The following PRAG1 variants were observed in gnomAD, a reference collection of about 807,000 sequenced individuals.
PRAG1 encodes inactive tyrosine-protein kinase PRAG1.
A neutral mutation model predicts 95.6 loss-of-function variants in PRAG1; 110 were observed. That is an observed-to-expected ratio of 1.15 (90% CI 0.99 to 1.35). The LOEUF is 1.35. Ranked by LOEUF, PRAG1 falls within the 40% of genes most tolerant of loss-of-function variation. The pLI is 0.00. For missense variants in PRAG1, 2,554 were observed against 1,864.7 expected (o/e 1.37, Z -6.81); for synonymous variants, 1,052 against 819.4 (o/e 1.28, Z -4.85).
At chr8:8,336,862 C>T (rs958639435) in intron 4 of PRAG1, among the ~76,000 whole-genome samples, 1 of 151,714 alleles carries the variant, frequency 6.6e-6, no homozygotes, top group Admixed American at 6.6e-5. Flanking sequence ...TAGGGTTTTC[C>T]TTATACAACT....
chr8:8,322,274 G>C (rs1389156673), intron 5 of PRAG1, among the ~76,000 whole-genome samples: 1 of 151,990 alleles, frequency 6.6e-6, no homozygotes, highest in Non-Finnish European at 1.5e-5. Context: ...TCTGCCTCCC[G>C]GGTTCAAGCG....
At chr8:8,367,492 A>G (rs1336171923) in intron 3 of PRAG1, among the ~76,000 whole-genome samples, 1 of 108,400 alleles carries the variant, frequency 9.2e-6, no homozygotes, top group Admixed American at 1.1e-4. Context: ...AAAAAAAAAA[A>G]AAAAAAGAAT....
Position 8,366,313 on chromosome 8 carries a change from CTTT to C in PRAG1, c.2162+9931_2162+9933del, listed in dbSNP as rs36037685. 7.5e-5 allele frequency among the ~76,000 whole-genome samples: 10 copies of C among 133,958 alleles called. 1 individual carries two copies. In the Middle Eastern group the frequency reaches 0.012, roughly 155 times the overall value. The allele number at this position is 133,958 out of a possible 152,430, so 87.9% of individuals were successfully genotyped here. ...CCTACCACCCAAAGGCATGGGAATT[CTTT>C]TTTTTTTTTTTTTTGAGACGGAGTT... is the stretch of plus-strand genomic sequence containing the variant. On this transcript the variant is annotated intron_variant, in intron 3 of 5. Coordinates refer to ENST00000615670, the MANE Select transcript of PRAG1 (RefSeq NM_001080826.3).
chr8:8,324,760 TA>T (rs1798581154), intron 5 of PRAG1, among the ~76,000 whole-genome samples: 3 of 152,230 alleles, frequency 2.0e-5, no homozygotes, highest in African/African-American at 7.2e-5. Flanking sequence ...GTCTGTTAAA[TA>T]AAAAAGGCCC....
At chr8:8,384,608 CAAAA>C (rs11400182) in intron 1 of PRAG1, among the ~76,000 whole-genome samples, 3,488 of 92,450 alleles carry the variant, frequency 0.038, 52 homozygotes, top group Middle Eastern at 0.052. Flanking sequence ...CGCATGCAGC[CAAAA>C]AAAAAAAAAA....
intron 3 of PRAG1, among the ~76,000 whole-genome samples, chr8:8,350,924 A>G (rs1000376688): frequency 6.6e-6 from 1 of 151,904 alleles, no homozygotes; most frequent in Non-Finnish European, 1.5e-5. Context: ...GGATGGATGG[A>G]TGGATGGATG....
chr8:8,345,265 C>T (rs535392727), intron 3 of PRAG1, among the ~76,000 whole-genome samples: 201 of 151,462 alleles, frequency 1.3e-3, no homozygotes, highest in Non-Finnish European at 2.5e-3. Context: ...GCATCGTGGC[C>T]CAAGCCTGTA....
intron 3 of PRAG1, among the ~76,000 whole-genome samples, chr8:8,345,588 C>T (rs1313250872): frequency 6.6e-6 from 1 of 151,822 alleles, no homozygotes. Flanking sequence ...GCCAGGAGTT[C>T]GAGACCACCC....
At chr8:8,378,160 G>C in intron 2 of PRAG1, 82 bp from the exon 3 acceptor site, 17 of 1,448,668 alleles carry the variant, frequency 1.2e-5, no homozygotes, top group Non-Finnish European at 1.5e-5. Flanking sequence ...AGAGGGAAGG[G>C]CAACGATACT....
chr8:8,371,596 G>T (rs907975495), intron 3 of PRAG1, among the ~76,000 whole-genome samples: 1 of 152,228 alleles, frequency 6.6e-6, no homozygotes, highest in South Asian at 2.1e-4. Context: ...TCAGCTGGGC[G>T]TGGTGGCTCA....
At chr8:8,322,601 C>T (rs911220548) in intron 5 of PRAG1, among the ~76,000 whole-genome samples, 5 of 152,120 alleles carry the variant, frequency 3.3e-5, no homozygotes, top group African/African-American at 9.7e-5. Flanking sequence ...CCTCATGCTA[C>T]CCTCCTCCCT....
At chr8:8,376,196 G>A (rs758680949) in intron 3 of PRAG1, 51 bp downstream of exon 3, 1 of 1,572,348 alleles carries the variant, frequency 6.4e-7, no homozygotes, top group Admixed American at 1.8e-5. Flanking sequence ...GTTTCTTCTG[G>A]AAGAGCCCTT....
chr8:8,364,274 T>G (rs1799936590), intron 3 of PRAG1, among the ~76,000 whole-genome samples: 1 of 152,230 alleles, frequency 6.6e-6, no homozygotes, highest in Non-Finnish European at 1.5e-5. Context: ...TTAATGAAGT[T>G]AAGTAGCTCT....
At chr8:8,353,708 A>G (rs1305549107) in intron 3 of PRAG1, among the ~76,000 whole-genome samples, 1 of 152,150 alleles carries the variant, frequency 6.6e-6, no homozygotes, top group African/African-American at 2.4e-5. Flanking sequence ...TTGGGAGGCC[A>G]AGGCTGAAAG....
chr8:8,370,180 T>G (rs1018268478), intron 3 of PRAG1, among the ~76,000 whole-genome samples: 7 of 152,366 alleles, frequency 4.6e-5, no homozygotes, highest in Non-Finnish European at 7.3e-5. Context: ...AGAACAAGAC[T>G]CTAGGAATCA....
rs747479692 is a variant in PRAG1, at chr8:8,376,549, G to C, written c.1860C>G (p.Ala620=). Residue 620 remains alanine (A), a synonymous_variant, in exon 3 of 6, where the codon GCC becomes GCG. Transcript: ENST00000615670. ...SRCPQPAASS[A]SEQRRPRFQA... ...GGAACCTGGGCCGCCTCTGTTCCGA[G>C]GCTGACGAGGCGGCAGGCTGGGGAC... is the stretch of plus-strand genomic sequence containing the variant. The C allele has an allele frequency of 2.2e-5, 35 of 1,609,352 alleles. 1 individual carries two copies. The highest frequency in any genetic ancestry group is 5.0e-5 in the Admixed American group (3 of 59,820).
At chr8:8,378,140 A>C in intron 2 of PRAG1, 62 bp from the exon 3 acceptor site, 2 of 1,493,572 alleles carry the variant, frequency 1.3e-6, no homozygotes, top group South Asian at 2.7e-5. Flanking sequence ...AAAGAGAGAG[A>C]GGAAAAGTGA....
At position 8,328,461 on chromosome 8, in the gene PRAG1, C is replaced by A. The variant is rs1230244609; in HGVS notation, c.2321G>T (p.Gly774Val). The change falls in exon 5 of 6, where the codon GGT becomes GTT. Residue 774 changes from glycine (G) to valine (V), a missense_variant and splice_region_variant. By Grantham distance (109) the Gly-to-Val change is moderately radical. Transcript: ENST00000615670. ...ASDSRTCSDGGPSSELAHSPT... is the reference protein window; with the variant it reads ...ASDSRTCSDGVPSSELAHSPT... The stretch of plus-strand genomic sequence containing the variant: ...CGAGTGAGCCAGCTCAGACGAGGGA[C>A]CTGAAGAGGAGAGACAGAAACCATA... The A allele has an allele frequency of 6.2e-7, 1 of 1,613,078 alleles. No homozygotes were observed. The highest frequency in any genetic ancestry group is 1.3e-5 in the African/African-American group (1 of 74,926).
At chr8:8,379,940 C>A (rs1800575729) in intron 2 of PRAG1, among the ~76,000 whole-genome samples, 1 of 152,064 alleles carries the variant, frequency 6.6e-6, no homozygotes, top group Non-Finnish European at 1.5e-5. Context: ...GGAATTACTG[C>A]TAATATTCTG....
Sources: gnomAD v4.1 joint callset for allele counts (sites outside exome capture counted in the v4.1 genomes callset) on GRCh38, gnomAD v4.1.1 for gene constraint, MANE v1.5 for transcripts, NCBI Gene and HGNC (gene_info 2026-07-23, HGNC 2026-07-21) for gene names.